Variants in RIN2 observed in about 807,000 individuals in gnomAD.
The protein encoded by RIN2 is RAB5 interacting protein 2.
In RIN2, 36 loss-of-function variants were observed where a neutral mutation model predicts 78.0. The ratio of observed to expected loss-of-function variants is 0.46; its 90% CI spans 0.35 to 0.61. The LOEUF (loss-of-function observed/expected upper bound fraction) is 0.61. Ranked by LOEUF, RIN2 falls within the 20% of genes least tolerant of loss-of-function variation. RIN2 has a pLI of 0.00. For synonymous variants in RIN2, 466 were observed against 466.8 expected (o/e 1.00, Z 0.02); for missense variants, 1,087 against 1,159.7 (o/e 0.94, Z 0.91).
chr20:19,764,918 G>GTTTTTTTTTTTTTTTTTTTTTTTTTTTTT (rs10605325), intron 1 of RIN2, among the ~76,000 whole-genome samples: 2 of 50,362 alleles, frequency 4.0e-5, no homozygotes, highest in African/African-American at 6.5e-5. Context: ...CACTTTCTGC[G>GTTTTTTTTTTTTTTTTTTTTTTTTTTTTT]TTTTTTTTTT....
chr20:19,804,452 T>A (rs888776605), intron 2 of RIN2, among the ~76,000 whole-genome samples: 3 of 152,348 alleles, frequency 2.0e-5, no homozygotes, highest in South Asian at 2.1e-4. Context: ...TCTATTGAGA[T>A]AATCATGTGG....
At chr20:19,911,568 A>G (rs760069125) in intron 3 of RIN2, among the ~76,000 whole-genome samples, 8 of 152,182 alleles carry the variant, frequency 5.3e-5, no homozygotes, top group Non-Finnish European at 1.2e-4. Flanking sequence ...TTATACACAC[A>G]CTGATAACAC....
In RIN2 at chr20:19,956,599, C is replaced by T; in HGVS notation, c.159-16C>T. 1.2e-6 allele frequency: 2 copies of T among 1,611,152 alleles called. No homozygotes were observed. The highest frequency in any genetic ancestry group is 1.3e-5 in the African/African-American group (1 of 74,994). On this transcript the variant is annotated splice_polypyrimidine_tract_variant and intron_variant, in intron 4 of 12. Coordinates refer to ENST00000255006, the MANE Select transcript of RIN2 (RefSeq NM_018993.4). The stretch of plus-strand genomic sequence containing the variant: ...GTACTGCAGCCAGCTGACCGTGCCG[C>T]TTCTCTTTCTCCTAGCATGGTAAGA...
At chr20:19,941,202 G>A (rs1286463824) in intron 4 of RIN2, among the ~76,000 whole-genome samples, 3 of 152,216 alleles carry the variant, frequency 2.0e-5, no homozygotes, top group African/African-American at 7.2e-5. Context: ...CTTCTGGGAA[G>A]CTCTGAGCTT....
chr20:19,769,592 A>G (rs1478998624), intron 1 of RIN2, among the ~76,000 whole-genome samples: 1 of 152,200 alleles, frequency 6.6e-6, no homozygotes, highest in African/African-American at 2.4e-5. Context: ...GCAGATCACA[A>G]GAGATTTCAG....
chr20:19,915,110 A>G (rs1254160442), intron 3 of RIN2, among the ~76,000 whole-genome samples: 1 of 152,176 alleles, frequency 6.6e-6, no homozygotes, highest in Non-Finnish European at 1.5e-5. Context: ...ATTTATAGTA[A>G]AAAGAAAAAC....
intron 2 of RIN2, chr20:19,872,113 A>G (rs538057663): frequency 6.6e-6 from 1 of 152,224 alleles, no homozygotes; most frequent in Non-Finnish European, 1.5e-5. Flanking sequence ...AGTGCTCACG[A>G]GATCTGATGG....
chr20:19,787,468 C>T (rs1600454356), intron 1 of RIN2, among the ~76,000 whole-genome samples: 2 of 148,800 alleles, frequency 1.3e-5, no homozygotes, highest in Non-Finnish European at 3.0e-5. Flanking sequence ...AGAGAAATGA[C>T]CTCAAATGCG....
chr20:19,922,320 G>A (rs563654553), intron 3 of RIN2, among the ~76,000 whole-genome samples: 1 of 152,214 alleles, frequency 6.6e-6, no homozygotes, highest in Non-Finnish European at 1.5e-5. Context: ...ACCAAACAAA[G>A]CCAGCTGTGC....
At chr20:19,847,044 TTTTG>T (rs1207545745) in intron 2 of RIN2, among the ~76,000 whole-genome samples, 1 of 152,236 alleles carries the variant, frequency 6.6e-6, no homozygotes, top group Admixed American at 6.5e-5. Flanking sequence ...TCCATTTTTC[TTTTG>T]TTTATCTCTT....
chr20:19,848,032 T>C (rs2036840872), intron 2 of RIN2, among the ~76,000 whole-genome samples: 1 of 152,136 alleles, frequency 6.6e-6, no homozygotes, highest in South Asian at 2.1e-4. Context: ...TTTGCTAAAA[T>C]AGGCAGGGGC....
chr20:19,928,564 A>G (rs2040319312), intron 3 of RIN2, among the ~76,000 whole-genome samples: 2 of 152,132 alleles, frequency 1.3e-5, no homozygotes, highest in South Asian at 4.1e-4. Flanking sequence ...CCAGACTGGA[A>G]CTCAGCAGGC....
At chr20:19,961,223 G>A (rs991383643) in intron 6 of RIN2, among the ~76,000 whole-genome samples, 2 of 152,126 alleles carry the variant, frequency 1.3e-5, no homozygotes, top group African/African-American at 2.4e-5. Context: ...GCACTTCTTC[G>A]TGAATAAATA....
intron 1 of RIN2, among the ~76,000 whole-genome samples, chr20:19,767,190 G>A (rs756587126): frequency 1.3e-5 from 2 of 152,228 alleles, no homozygotes; most frequent in Non-Finnish European, 2.9e-5. Context: ...GTAGAAATGT[G>A]ACTGGACAAA....
chr20:19,813,048 C>G (rs568819873), intron 2 of RIN2, among the ~76,000 whole-genome samples: 12 of 152,330 alleles, frequency 7.9e-5, no homozygotes, highest in African/African-American at 2.9e-4. Context: ...TCATTCACCA[C>G]CCCTGCAGGA....
intron 2 of RIN2, among the ~76,000 whole-genome samples, chr20:19,851,742 A>G (rs180688216): frequency 4.9e-4 from 75 of 152,242 alleles, no homozygotes; most frequent in African/African-American, 1.8e-3. Flanking sequence ...CAAGAGCTCT[A>G]GCGGGGAGTG....
At chr20:19,760,744 C>T (rs979338550) in intron 1 of RIN2, among the ~76,000 whole-genome samples, 2 of 152,156 alleles carry the variant, frequency 1.3e-5, no homozygotes, top group Non-Finnish European at 2.9e-5. Flanking sequence ...GTGCTTTGAC[C>T]TTGTGCCCAA....
chr20:19,886,612 C>CTTTTTTTTTTTTTT (rs11362637), intron 2 of RIN2: 30 of 520,972 alleles, frequency 5.8e-5, no homozygotes, highest in Admixed American at 2.2e-4. Context: ...TCTTCTTCTT[C>CTTTTTTTTTTTTTT]TTTTTTTTTT....
chr20:19,973,312 CG>C (rs1425117574), intron 8 of RIN2, among the ~76,000 whole-genome samples: 1 of 151,970 alleles, frequency 6.6e-6, no homozygotes, highest in Admixed American at 6.5e-5. Flanking sequence ...TTGGACAGTG[CG>C]GGAGTCGGGA....
Sources: gnomAD v4.1 joint callset for allele counts (sites outside exome capture counted in the v4.1 genomes callset) on GRCh38, gnomAD v4.1.1 for gene constraint, MANE v1.5 for transcripts, NCBI Gene and HGNC (gene_info 2026-07-23, HGNC 2026-07-21) for gene names.